MPP7: variants seen among roughly 807,000 people sequenced by gnomAD.
The protein encoded by MPP7 is MAGUK p55 subfamily member 7.
Under a neutral mutation model 76.5 loss-of-function variants are expected in MPP7, and 60 were observed. That is an observed-to-expected ratio of 0.78 (90% CI 0.64 to 0.97). The LOEUF is 0.97. Among genes scored for constraint, MPP7 ranks in the 50% least tolerant of loss-of-function variants. The pLI, the probability that MPP7 is intolerant of heterozygous loss-of-function variation, is 0.00. For synonymous variants in MPP7, 237 were observed against 244.5 expected, an observed-to-expected ratio of 0.97 and a Z score of 0.29; for missense variants, 641 against 694.0, an observed-to-expected ratio of 0.92 and a Z score of 0.86.
At chr10:28,154,513 A>G (rs1371354797) in intron 3 of MPP7, among the ~76,000 whole-genome samples, 2 of 152,202 alleles carry the variant, frequency 1.3e-5, no homozygotes, top group South Asian at 2.1e-4. Context: ...GAACATGTCT[A>G]TAAAGTCTAC....
chr10:28,088,390 C>T (rs1232741513), intron 12 of MPP7, among the ~76,000 whole-genome samples: 3 of 152,200 alleles, frequency 2.0e-5, no homozygotes, highest in South Asian at 2.1e-4. Flanking sequence ...GATATTCCCA[C>T]GATAATGAGT....
At chr10:28,147,074 G>C (rs2133760088) in intron 5 of MPP7, among the ~76,000 whole-genome samples, 1 of 152,170 alleles carries the variant, frequency 6.6e-6, no homozygotes, top group Non-Finnish European at 1.5e-5. Context: ...GAAATGGGGA[G>C]GTGAAAGGGG....
intron 1 of MPP7, among the ~76,000 whole-genome samples, chr10:28,293,089 G>A (rs143018024): frequency 9.5e-5 from 14 of 147,502 alleles, no homozygotes; most frequent in African/African-American, 7.5e-5. Flanking sequence ...TAAAGATTCC[G>A]TTTAATGAAA....
chr10:28,120,122 T>G, intron 10 of MPP7, 72 bp downstream of exon 10: 1 of 1,470,356 alleles, frequency 6.8e-7, no homozygotes, highest in Non-Finnish European at 9.3e-7. Context: ...ATCACATCAA[T>G]GCCAGAATGA....
At chr10:28,217,526 C>CAAAAAAAAAA (rs773506497) in intron 2 of MPP7, among the ~76,000 whole-genome samples, 1 of 58,948 alleles carries the variant, frequency 1.7e-5, no homozygotes, top group Non-Finnish European at 3.7e-5. Flanking sequence ...GACTCTGTCT[C>CAAAAAAAAAA]AAAAAAAAAA....
At chr10:28,133,701 T>C (rs1835265792) in intron 5 of MPP7, among the ~76,000 whole-genome samples, 1 of 152,002 alleles carries the variant, frequency 6.6e-6, no homozygotes, top group African/African-American at 2.4e-5. Context: ...AAACAAGAAA[T>C]ACAACATTAA....
chr10:28,220,292 A>C, intron 2 of MPP7, among the ~76,000 whole-genome samples: 1 of 152,290 alleles, frequency 6.6e-6, no homozygotes, highest in East Asian at 1.9e-4. Flanking sequence ...TTTGATTTTT[A>C]GCAGTATTCA....
At chr10:28,202,954 TA>T (rs1171422491) in intron 2 of MPP7, 1 of 152,088 alleles carries the variant, frequency 6.6e-6, no homozygotes, top group African/African-American at 2.4e-5. Context: ...AGCCACTTCC[TA>T]GGGGCAGACA....
chr10:28,164,748 T>A (rs1748484), intron 3 of MPP7, among the ~76,000 whole-genome samples: 113,450 of 151,754 alleles, frequency 0.75, 42,556 homozygotes, highest in Middle Eastern at 0.84. Flanking sequence ...CTTCTTCCAA[T>A]GTGGCCCAGG....
chr10:28,162,858 A>ACT lies in MPP7; in HGVS notation c.157-12801_157-12800dup, dbSNP rs1169274459. Among the ~76,000 whole-genome samples the ACT allele has an allele frequency of 4.6e-4, 66 of 145,012 alleles. 1 individual carries two copies. The highest frequency in any genetic ancestry group is 8.4e-4 in the Non-Finnish European group (55 of 65,716). On this transcript the variant is annotated intron_variant, in intron 3 of 16. Coordinates refer to ENST00000683449, the MANE Select transcript of MPP7 (RefSeq NM_001318170.2). ...AAGCCCCCTCCATATTCTTTCTCTC[A>ACT]CTCTCTCTCTCTCTTTCTCTCTCTC...
intron 1 of MPP7, among the ~76,000 whole-genome samples, chr10:28,296,083 C>T (rs1488748707): frequency 6.6e-6 from 1 of 152,172 alleles, no homozygotes; most frequent in Non-Finnish European, 1.5e-5. Flanking sequence ...TTAAGGAGTA[C>T]TTAGTCCAAG....
At chr10:28,121,165 A>C (rs903981398) in intron 8 of MPP7, among the ~76,000 whole-genome samples, 1 of 152,004 alleles carries the variant, frequency 6.6e-6, no homozygotes, top group Non-Finnish European at 1.5e-5. Flanking sequence ...AAATTAGCCA[A>C]GCGTGGTGAT....
In MPP7 at chr10:28,142,109, T is replaced by C. The variant is rs75481632; in HGVS notation, c.315+5374A>G. Among the ~76,000 whole-genome samples the C allele has an allele frequency of 9.6e-3, 1,465 of 152,234 alleles. 34 individuals carry two copies. Among genetic ancestry groups the C allele is most frequent in the East Asian group, 0.076 (392 of 5,176 alleles). ...AAAGACAATTTTCGTAAACTCATCA[T>C]GAAGAATACAAGTCCTTTCCAAGCT... On this transcript the variant is annotated intron_variant, in intron 5 of 16. Transcript: ENST00000683449.
At chr10:28,118,184 A>G in intron 11 of MPP7, 1 of 985,246 alleles carries the variant, frequency 1.0e-6, no homozygotes, top group Non-Finnish European at 1.2e-6. Flanking sequence ...ACACAAACAA[A>G]CACACATACC....
chr10:28,316,121 G>A (rs903178008), intron 2 of MPP7, among the ~76,000 whole-genome samples: 1 of 152,128 alleles, frequency 6.6e-6, no homozygotes, highest in African/African-American at 2.4e-5. Context: ...TCCTGAAACA[G>A]TAAAAGGATA....
chr10:28,163,627 A>T (rs1216923629), intron 3 of MPP7, among the ~76,000 whole-genome samples: 1 of 152,154 alleles, frequency 6.6e-6, no homozygotes, highest in African/African-American at 2.4e-5. Flanking sequence ...GACTGCCTGT[A>T]GTGGGAGAAA....
At chr10:28,086,205 T>A (rs1168719936) in intron 12 of MPP7, among the ~76,000 whole-genome samples, 1 of 152,112 alleles carries the variant, frequency 6.6e-6, no homozygotes, top group East Asian at 1.9e-4. Context: ...AAAACCTAGA[T>A]GACGGGTTGA....
At chr10:28,217,442 G>C (rs938915776) in intron 2 of MPP7, among the ~76,000 whole-genome samples, 1 of 150,594 alleles carries the variant, frequency 6.6e-6, no homozygotes, top group African/African-American at 2.4e-5. Context: ...CACGAGAATC[G>C]CTTGAACCCG....
intron 12 of MPP7, among the ~76,000 whole-genome samples, chr10:28,083,398 C>G (rs1216262998): frequency 6.6e-6 from 1 of 152,102 alleles, no homozygotes; most frequent in East Asian, 1.9e-4. Flanking sequence ...GTTAATGACA[C>G]CAGGGGGCTG....
Sources: gnomAD v4.1 joint callset for allele counts (sites outside exome capture counted in the v4.1 genomes callset) on GRCh38, gnomAD v4.1.1 for gene constraint, MANE v1.5 for transcripts, NCBI Gene and HGNC (gene_info 2026-07-23, HGNC 2026-07-21) for gene names.